ZCCHC18: variants seen among roughly 807,000 people sequenced by gnomAD.
ZCCHC18 encodes the protein zinc finger CCHC domain-containing protein 18.
For synonymous variants in ZCCHC18, 112 were observed against 115.7 expected (o/e 0.97, Z 0.21); for missense variants, 292 against 305.1 (o/e 0.96, Z 0.32).
chrX:104,114,903 C>G lies in ZCCHC18; in HGVS notation c.792C>G (p.Asn264Lys). ...IAISSADCNC[N>K]VIEIDDTLDD... Reference sequence around the variant, plus strand: ...TCAGCAGTGCTGACTGTAACTGCAACGTGATAGAAATAGATGATACCCTTG... The same window carrying G: ...TCAGCAGTGCTGACTGTAACTGCAAGGTGATAGAAATAGATGATACCCTTG... Residue 264 changes from asparagine (N) to lysine (K), a missense_variant, in exon 3 of 3, where the codon AAC becomes AAG. Coordinates refer to ENST00000650639, the MANE Select transcript of ZCCHC18 (RefSeq NM_001143978.3). The G allele has an allele frequency of 8.3e-7, 1 of 1,202,775 alleles. No homozygotes were observed. The highest frequency in any genetic ancestry group is 2.2e-5 in the Admixed American group (1 of 44,824).
Position 104,115,369 on chromosome X carries a change from T to C in ZCCHC18, c.*46T>C, listed in dbSNP as rs1556361091. On this transcript the variant is annotated 3_prime_UTR_variant, in exon 3 of 3. Coordinates refer to ENST00000650639, the MANE Select transcript of ZCCHC18 (RefSeq NM_001143978.3). ...TGAGTCCTTGACTGTATTCAGAGTC[T>C]GGTAATGGGAATAACAGGAGAGGGG... 4.7e-6 allele frequency: 5 copies of C among 1,065,969 alleles called. No individual in the cohort carries two copies. The highest frequency in any genetic ancestry group is 3.3e-5 in the East Asian group (1 of 30,149). The allele number at this position is 1,065,969 out of a possible 1,213,427, so 87.8% of individuals were successfully genotyped here.
Position 104,115,013 on chromosome X carries a change from C to A in ZCCHC18, c.902C>A (p.Ala301Asp). The part of the protein sequence containing the change: ...PTGAPPFRGR[A>D]RPLDQVLVID... ...GGTGCCCCTCCCTTCAGAGGAAGAG[C>A]CAGACCTCTGGATCAAGTGCTGGTT... is the stretch of plus-strand genomic sequence containing the variant. Residue 301 changes from alanine (A) to aspartate (D), a missense_variant, in exon 3 of 3, where the codon GCC becomes GAC. By Grantham distance (126) the Ala-to-Asp change is moderately radical (BLOSUM62 -2). Transcript: ENST00000650639. 8.4e-7 allele frequency: 1 copy of A among 1,193,654 alleles called. No individual in the cohort carries two copies. Among genetic ancestry groups the A allele is most frequent in the Non-Finnish European group, 1.1e-6 (1 of 886,064 alleles).
In ZCCHC18 at chrX:104,114,304, C is replaced by T; in HGVS notation, c.193C>T (p.Leu65=). The T allele has an allele frequency of 1.7e-6, 2 of 1,211,219 alleles. No individual in the cohort carries two copies. Among genetic ancestry groups the T allele is most frequent in the Non-Finnish European group, 2.2e-6 (2 of 895,255 alleles). ...GGGGAAAGAAACCTTTGAAAACTGGCTGATCCAAGTCAATGAGGTCCTGCC... is the reference window on the plus strand; with the variant it reads ...GGGGAAAGAAACCTTTGAAAACTGGTTGATCCAAGTCAATGAGGTCCTGCC... ...AQGKETFENW[L]IQVNEVLPDW... Residue 65 remains leucine (L), a synonymous_variant, in exon 3 of 3, where the codon CTG becomes TTG. Transcript: ENST00000650639.
In ZCCHC18 at chrX:104,113,531, G is replaced by A. The variant is rs1315969990; in HGVS notation, c.-581G>A. 2.7e-5 allele frequency: 3 copies of A among 112,372 alleles called. No individual in the cohort carries two copies. Among genetic ancestry groups the A allele is most frequent in the Non-Finnish European group, 5.6e-5 (3 of 53,814 alleles). The allele number at this position is 112,372 out of a possible 1,213,427, so 9.3% of individuals were successfully genotyped here. On this transcript the variant is annotated 5_prime_UTR_variant, in exon 3 of 3. Coordinates refer to ENST00000650639, the MANE Select transcript of ZCCHC18 (RefSeq NM_001143978.3). ...TCTCACGGCAGGCACCTGTTGCAGAGGCTGCACGTAAAATAAAGGCGAACG... is the reference window on the plus strand; with the variant it reads ...TCTCACGGCAGGCACCTGTTGCAGAAGCTGCACGTAAAATAAAGGCGAACG...
rs1428469759 is a variant in ZCCHC18 at position 104,112,682 on chromosome X, C to T, written c.-1050C>T. ...GCGCACTCGCTAGGTCGGGCAGCCCCGGGTCGCTTAGCGGCCGAGGAGGCG... is the reference window on the plus strand; with the variant it reads ...GCGCACTCGCTAGGTCGGGCAGCCCTGGGTCGCTTAGCGGCCGAGGAGGCG... On this transcript the variant is annotated 5_prime_UTR_variant, in exon 1 of 3. Transcript: ENST00000650639. The T allele has an allele frequency of 1.8e-5, 2 of 113,444 alleles. No individual in the cohort carries two copies. The highest frequency in any genetic ancestry group is 6.4e-5 in the African/African-American group (2 of 31,306). The allele number at this position is 113,444 out of a possible 1,213,427, so 9.3% of individuals were successfully genotyped here. A position where few individuals can be genotyped will look rare whatever the true frequency, so the allele number is the denominator to read the frequency against.
Position 104,115,239 on chromosome X carries a change from C to A in ZCCHC18, c.1128C>A (p.Ile376=). 1 of 1,202,811 alleles carries A rather than the reference C, an allele frequency of 8.3e-7. No homozygotes were observed. The highest frequency in any genetic ancestry group is 1.7e-5 in the African/African-American group (1 of 57,523). ...SNKAQVFENL[I]ITLQELTHTE... ...AGGCCCAGGTTTTTGAGAATCTGAT[C>A]ATCACCCTGCAGGAGCTGACACATA... Residue 376 remains isoleucine, a synonymous_variant, in exon 3 of 3, where the codon ATC becomes ATA. Coordinates refer to ENST00000650639, the MANE Select transcript of ZCCHC18 (RefSeq NM_001143978.3).
rs2075368023 is a variant in ZCCHC18 at position 104,114,702 on chromosome X, G to A, written c.591G>A (p.Arg197=). Residue 197 remains arginine, a synonymous_variant, in exon 3 of 3, where the codon AGG becomes AGA. Coordinates refer to ENST00000650639, the MANE Select transcript of ZCCHC18 (RefSeq NM_001143978.3). Reference sequence around the variant, plus strand: ...GCTTCAGGCTTAAGCATCTTCTCAGGATGTATGCAAATAAGCAGGAGCGGC... The same window carrying A: ...GCTTCAGGCTTAAGCATCTTCTCAGAATGTATGCAAATAAGCAGGAGCGGC... ...DLRFRLKHLL[R]MYANKQERLP... 8 of 1,210,338 alleles carry A rather than the reference G, an allele frequency of 6.6e-6. No individual in the cohort carries two copies. Among genetic ancestry groups the A allele is most frequent in the Non-Finnish European group, 7.8e-6 (7 of 895,343 alleles).
rs782088919 is a variant in ZCCHC18, at chrX:104,115,065, T to A, written c.954T>A (p.Ala318=). Residue 318 remains alanine (A), a synonymous_variant, in exon 3 of 3, where the codon GCT becomes GCA. Transcript: ENST00000650639. ...TTGATTCCCCCAACAATTCTGGGGC[T>A]CAGTCTCTTTCTACCAGTGGTGGTT... ...LVIDSPNNSG[A]QSLSTSGGSG... 61 of 1,196,402 alleles carry A rather than the reference T, an allele frequency of 5.1e-5. No individual in the cohort carries two copies. The highest frequency in any genetic ancestry group is 6.4e-5 in the Non-Finnish European group (57 of 888,065).
chrX:104,115,097 A>G lies in ZCCHC18; in HGVS notation c.986A>G (p.Tyr329Cys), dbSNP rs782161387. Residue 329 changes from tyrosine (Y) to cysteine (C), a missense_variant, in exon 3 of 3, where the codon TAT becomes TGT. Transcript: ENST00000650639. ...CTTTCTACCAGTGGTGGTTCTGGGT[A>G]TAAGAATGATGGTCCTGGGAATATT... ...QSLSTSGGSGYKNDGPGNIRR... is the reference protein window; with the variant it reads ...QSLSTSGGSGCKNDGPGNIRR... The G allele has an allele frequency of 3.3e-6, 4 of 1,200,975 alleles. No homozygotes were observed. The highest frequency in any genetic ancestry group is 3.4e-6 in the Non-Finnish European group (3 of 889,639).
Position 104,114,925 on chromosome X carries a change from C to G in ZCCHC18, c.814C>G (p.Leu272Val). The G allele has an allele frequency of 8.3e-7, 1 of 1,198,800 alleles. No individual in the cohort carries two copies. The highest frequency in any genetic ancestry group is 1.1e-6 in the Non-Finnish European group (1 of 888,599). Residue 272 changes from leucine (L) to valine (V), a missense_variant, in exon 3 of 3, where the codon CTT (leucine) becomes GTT (valine). Leu to Val is a conservative substitution (Grantham distance 32). Coordinates refer to ENST00000650639, the MANE Select transcript of ZCCHC18 (RefSeq NM_001143978.3). ...NCNVIEIDDT[L>V]DDSDEDVILV... ...CAACGTGATAGAAATAGATGATACC[C>G]TTGATGACTCTGATGAGGATGTGAT...
rs781810268 is a variant in ZCCHC18 at position 104,114,638 on chromosome X, A to G, written c.527A>G (p.Gln176Arg). ...AEKDANQTRL[Q>R]QLLLGAELNR... ...AAAGATGCAAACCAGACTCGCTTGC[A>G]ACAGCTTCTTTTAGGCGCTGAGCTG... The change falls in exon 3 of 3, where the codon CAA becomes CGA. Residue 176 changes from glutamine (Q) to arginine (R), a missense_variant. Physicochemically the swap from Gln to Arg is conservative, Grantham distance 43. Coordinates refer to ENST00000650639, the MANE Select transcript of ZCCHC18 (RefSeq NM_001143978.3). The G allele has an allele frequency of 1.4e-4, 166 of 1,210,413 alleles. No homozygotes were observed. The highest frequency in any genetic ancestry group is 1.8e-4 in the Non-Finnish European group (158 of 895,392).
At position 104,113,765 on chromosome X, in the gene ZCCHC18, G is replaced by T. The variant is rs2075361507; in HGVS notation, c.-347G>T. On this transcript the variant is annotated 5_prime_UTR_variant, in exon 3 of 3. Coordinates refer to ENST00000650639, the MANE Select transcript of ZCCHC18 (RefSeq NM_001143978.3). Reference sequence around the variant, plus strand: ...GAAGCAACAGTTGTCGCCCCTCCTGGAGTACAGGCAGGAGGGGATGGATGT... The same window carrying T: ...GAAGCAACAGTTGTCGCCCCTCCTGTAGTACAGGCAGGAGGGGATGGATGT... The T allele has an allele frequency of 3.0e-5, 6 of 199,967 alleles. No homozygotes were observed. In the South Asian group the frequency reaches 6.8e-4, roughly 23 times the overall value. 16.5% of individuals were successfully genotyped at this position (199,967 alleles called of 1,213,427 possible). A position where few individuals can be genotyped will look rare whatever the true frequency, so the allele number is the denominator to read the frequency against.
chrX:104,115,820 G>A lies in ZCCHC18; in HGVS notation c.*497G>A, dbSNP rs1377246982. The A allele has an allele frequency of 1.6e-5, 2 of 122,869 alleles. No homozygotes were observed. Among genetic ancestry groups the A allele is most frequent in the African/African-American group, 6.6e-5 (2 of 30,411 alleles). 10.1% of individuals were successfully genotyped at this position (122,869 alleles called of 1,213,427 possible). On this transcript the variant is annotated 3_prime_UTR_variant, in exon 3 of 3. Transcript: ENST00000650639. The stretch of plus-strand genomic sequence containing the variant: ...AATGTATCTCGTGGACTTCTATGTC[G>A]ATGAATATATATAAATATCTAACTT...
Position 104,115,284 on chromosome X carries a change from G to C in ZCCHC18, c.1173G>C (p.Glu391Asp), listed in dbSNP as rs2147869541. The change falls in exon 3 of 3, where the codon GAG (glutamate) becomes GAC (aspartate). Residue 391 changes from glutamate to aspartate, a missense_variant. Glu to Asp is a conservative substitution (Grantham distance 45, BLOSUM62 2). Transcript: ENST00000650639. ...ELTHTEERSK[E>D]VPGEHSDASE... Reference sequence around the variant, plus strand: ...CACATACAGAGGAGAGGTCAAAAGAGGTCCCTGGAGAACACAGTGATGCTT... The same window carrying C: ...CACATACAGAGGAGAGGTCAAAAGACGTCCCTGGAGAACACAGTGATGCTT... The C allele has an allele frequency of 4.2e-6, 5 of 1,180,994 alleles. No individual in the cohort carries two copies. The highest frequency in any genetic ancestry group is 5.7e-6 in the Non-Finnish European group (5 of 879,817).
rs1556361077 is a variant in ZCCHC18 at position 104,115,336 on chromosome X, G to A, written c.*13G>A. The A allele has an allele frequency of 1.8e-6, 2 of 1,142,413 alleles. No homozygotes were observed. The highest frequency in any genetic ancestry group is 2.1e-5 in the South Asian group (1 of 47,789). The allele number at this position is 1,142,413 out of a possible 1,213,427, so 94.1% of individuals were successfully genotyped here. On this transcript the variant is annotated 3_prime_UTR_variant, in exon 3 of 3. Coordinates refer to ENST00000650639, the MANE Select transcript of ZCCHC18 (RefSeq NM_001143978.3). ...TGAGCCACAGTAAGGATCTAGTCCA[G>A]CCCTAAATGAGTCCTTGACTGTATT...
Position 104,113,749 on chromosome X carries a change from G to A in ZCCHC18, c.-363G>A, listed in dbSNP as rs1305284149. On this transcript the variant is annotated 5_prime_UTR_variant, in exon 3 of 3. Transcript: ENST00000650639. Reference sequence around the variant, plus strand: ...ATGTCATCTAGAATTAGAAGCAACAGTTGTCGCCCCTCCTGGAGTACAGGC... The same window carrying A: ...ATGTCATCTAGAATTAGAAGCAACAATTGTCGCCCCTCCTGGAGTACAGGC... 1 of 183,178 alleles carries A rather than the reference G, an allele frequency of 5.5e-6. No homozygotes were observed. 15.1% of individuals were successfully genotyped at this position (183,178 alleles called of 1,213,427 possible).
Position 104,115,246 on chromosome X carries a change from C to T in ZCCHC18, c.1135C>T (p.Leu379=). 8.3e-7 allele frequency: 1 copy of T among 1,200,454 alleles called. No individual in the cohort carries two copies. The highest frequency in any genetic ancestry group is 1.1e-6 in the Non-Finnish European group (1 of 889,360). Residue 379 remains leucine, a synonymous_variant, in exon 3 of 3, where the codon CTG becomes TTG. Coordinates refer to ENST00000650639, the MANE Select transcript of ZCCHC18 (RefSeq NM_001143978.3). ...GGTTTTTGAGAATCTGATCATCACCCTGCAGGAGCTGACACATACAGAGGA... is the reference window on the plus strand; with the variant it reads ...GGTTTTTGAGAATCTGATCATCACCTTGCAGGAGCTGACACATACAGAGGA... ...AQVFENLIIT[L]QELTHTEERS...
rs782704392 is a variant in ZCCHC18 at position 104,114,767 on chromosome X, A to T, written c.656A>T (p.Glu219Val). ...FLELIKMIREEEDWDDAFIKR... is the reference protein window; with the variant it reads ...FLELIKMIREVEDWDDAFIKR... ...GAGTTAATCAAGATGATAAGGGAGG[A>T]AGAGGATTGGGATGATGCTTTTATT... Residue 219 changes from glutamate to valine, a missense_variant, in exon 3 of 3, where the codon GAA becomes GTA. By Grantham distance (121) the Glu-to-Val change is moderately radical. Coordinates refer to ENST00000650639, the MANE Select transcript of ZCCHC18 (RefSeq NM_001143978.3). 1.7e-6 allele frequency: 2 copies of T among 1,211,600 alleles called. No homozygotes were observed. Among genetic ancestry groups the T allele is most frequent in the Non-Finnish European group, 2.2e-6 (2 of 895,406 alleles).
At position 104,114,932 on chromosome X, in the gene ZCCHC18, A is replaced by G. The variant is rs782119632; in HGVS notation, c.821A>G (p.Asp274Gly). Reference protein sequence around the residue: ...NVIEIDDTLDDSDEDVILVVS... With the variant: ...NVIEIDDTLDGSDEDVILVVS... The stretch of plus-strand genomic sequence containing the variant: ...ATAGAAATAGATGATACCCTTGATG[A>G]CTCTGATGAGGATGTGATCCTGGTG... Residue 274 changes from aspartate to glycine, a missense_variant, in exon 3 of 3, where the codon GAC becomes GGC. Coordinates refer to ENST00000650639, the MANE Select transcript of ZCCHC18 (RefSeq NM_001143978.3). 5.8e-6 allele frequency: 7 copies of G among 1,198,076 alleles called. No homozygotes were observed. Among genetic ancestry groups the G allele is most frequent in the Non-Finnish European group, 7.9e-6 (7 of 888,352 alleles).
Sources: allele counts gnomAD v4.1 joint callset, GRCh38; gene constraint gnomAD v4.1.1; transcripts MANE v1.5; gene names NCBI Gene and HGNC (gene_info 2026-07-23, HGNC 2026-07-21).